The following RHOA variants were observed in gnomAD, a reference collection of about 807,000 sequenced individuals.
RHOA encodes the protein ras homolog family member A.
RHOA carries 3 observed loss-of-function variants against 17.5 expected under a neutral mutation model. That is an observed-to-expected ratio of 0.17 (90% CI 0.08 to 0.44). RHOA has a LOEUF of 0.44. Ranked by LOEUF, RHOA falls within the 20% of genes least tolerant of loss-of-function variation. The pLI, the probability that RHOA is intolerant of heterozygous loss-of-function variation, is 0.99. For synonymous variants in RHOA, 98 were observed against 88.4 expected, an observed-to-expected ratio of 1.11 and a Z score of -0.61; for missense variants, 56 against 242.3, an observed-to-expected ratio of 0.23 and a Z score of 5.10.
At chr3:49,403,742 A>T (rs1226570228) in intron 1 of RHOA, among the ~76,000 whole-genome samples, 1 of 152,072 alleles carries the variant, frequency 6.6e-6, no homozygotes, top group African/African-American at 2.4e-5. Context: ...ATAAGAACAA[A>T]AAAATTATCA....
At chr3:49,361,240 A>G (rs2047966418) in intron 4 of RHOA, among the ~76,000 whole-genome samples, 3 of 152,166 alleles carry the variant, frequency 2.0e-5, no homozygotes, top group South Asian at 2.1e-4. Context: ...TAAGGAGTCA[A>G]TCAAGAGCAA....
At chr3:49,395,986 G>C (rs989464431) in intron 1 of RHOA, among the ~76,000 whole-genome samples, 2 of 152,120 alleles carry the variant, frequency 1.3e-5, no homozygotes, top group African/African-American at 4.8e-5. Context: ...GGAATGGAGA[G>C]GGGCAGTGAT....
At chr3:49,373,885 AC>A (rs1308124133) in intron 2 of RHOA, among the ~76,000 whole-genome samples, 1 of 151,970 alleles carries the variant, frequency 6.6e-6, no homozygotes. Flanking sequence ...AAAAAAAAAA[AC>A]AAAAACAAAC....
rs529185429 is a variant in RHOA, at chr3:49,381,605, G to A, written c.-2-6014C>T. 1.1e-4 allele frequency among the ~76,000 whole-genome samples: 17 copies of A among 149,890 alleles called. No homozygotes were observed. The East Asian group carries it at 3.2e-3, about 28-fold the overall frequency. On this transcript the variant is annotated intron_variant, in intron 1 of 4. Coordinates refer to ENST00000418115, the MANE Select transcript of RHOA (RefSeq NM_001664.4). ...AAAAAGGATTGGCATGGTGGCTCAC[G>A]CCTGTAATCCCAGCACTTTGGGAGG...
intron 1 of RHOA, among the ~76,000 whole-genome samples, chr3:49,399,560 AG>A (rs1365943877): frequency 1.3e-5 from 2 of 151,696 alleles, no homozygotes; most frequent in South Asian, 2.1e-4. Flanking sequence ...GACTGTCTCT[AG>A]AATAGTACAC....
intron 1 of RHOA, among the ~76,000 whole-genome samples, chr3:49,401,798 C>T (rs1474561025): frequency 6.6e-6 from 1 of 152,104 alleles, no homozygotes. Flanking sequence ...CTTACTGGTT[C>T]AGTATCCCAA....
At chr3:49,393,595 C>CTT (rs34715210) in intron 1 of RHOA, among the ~76,000 whole-genome samples, 1 of 97,958 alleles carries the variant, frequency 1.0e-5, no homozygotes, top group African/African-American at 3.9e-5. Context: ...ACTGCACTGG[C>CTT]TTTTTTTTTT....
chr3:49,389,536 CTAAT>C (rs1345936579), intron 1 of RHOA, among the ~76,000 whole-genome samples: 2 of 152,158 alleles, frequency 1.3e-5, no homozygotes, highest in Non-Finnish European at 2.9e-5. Context: ...CATTAATAGA[CTAAT>C]TCCTCTGCTG....
chr3:49,389,344 T>C (rs2048457684), intron 1 of RHOA, among the ~76,000 whole-genome samples: 1 of 150,158 alleles, frequency 6.7e-6, no homozygotes, highest in Non-Finnish European at 1.5e-5. Context: ...AGTGGTTGCT[T>C]AGGGATGAGG....
At chr3:49,390,097 CTG>C (rs1424514160) in intron 1 of RHOA, among the ~76,000 whole-genome samples, 1 of 151,898 alleles carries the variant, frequency 6.6e-6, no homozygotes, top group East Asian at 1.9e-4. Context: ...TACCCACAGA[CTG>C]TGAGAAGCAA....
chr3:49,407,484 C>T (rs62261210), intron 1 of RHOA, among the ~76,000 whole-genome samples: 1 of 542 alleles, frequency 1.8e-3, no homozygotes, highest in East Asian at 0.17. Flanking sequence ...TCCACCTGCC[C>T]AGCACTTCCA....
rs912751195 is a variant in RHOA at position 49,359,707 on chromosome 3, ACT to A, written c.*500_*501del. On this transcript the variant is annotated 3_prime_UTR_variant, in exon 5 of 5. Coordinates refer to ENST00000418115, the MANE Select transcript of RHOA (RefSeq NM_001664.4). ...ACTAACATGAAACCACAGAACTGTA[ACT>A]CTGCCACAGCTGCATGAACTTGGGC... 4 of 223,514 alleles carry A rather than the reference ACT, an allele frequency of 1.8e-5. No homozygotes were observed. The highest frequency in any genetic ancestry group is 1.8e-4 in the South Asian group (1 of 5,486). 13.8% of individuals were successfully genotyped at this position (223,514 alleles called of 1,614,324 possible).
intron 1 of RHOA, among the ~76,000 whole-genome samples, chr3:49,408,886 G>A (rs551708149): frequency 2.0e-5 from 3 of 151,450 alleles, no homozygotes; most frequent in Admixed American, 1.3e-4. Flanking sequence ...TCCGCCTCTC[G>A]GGTTCACGCC....
At chr3:49,389,723 C>A (rs185430578) in intron 1 of RHOA, among the ~76,000 whole-genome samples, 3 of 152,026 alleles carry the variant, frequency 2.0e-5, no homozygotes, top group Non-Finnish European at 4.4e-5. Flanking sequence ...AGGCGGATCA[C>A]GAGGTCAGGA....
At chr3:49,362,712 C>CT in intron 3 of RHOA, 86 bp from the exon 4 acceptor site, 2 of 1,145,114 alleles carry the variant, frequency 1.7e-6, no homozygotes, top group Non-Finnish European at 2.5e-6. Flanking sequence ...TGCAGAGACA[C>CT]TTTCTTTGTG....
intron 3 of RHOA, among the ~76,000 whole-genome samples, chr3:49,368,224 A>G (rs532978278): frequency 6.6e-6 from 1 of 152,190 alleles, no homozygotes; most frequent in Admixed American, 6.6e-5. Flanking sequence ...AGGTGGATAC[A>G]TTTTAAATAC....
chr3:49,375,641 T>C (rs1232968349), intron 1 of RHOA, 50 bp from the exon 2 acceptor site: 2 of 1,580,618 alleles, frequency 1.3e-6, no homozygotes, highest in Admixed American at 1.7e-5. Flanking sequence ...AAGTCATAGG[T>C]AGCTTACAGG....
intron 1 of RHOA, among the ~76,000 whole-genome samples, chr3:49,391,824 T>TA (rs1491311215): frequency 3.1e-5 from 1 of 32,550 alleles, no homozygotes; most frequent in Non-Finnish European, 8.3e-5. Context: ...TTAATTTATC[T>TA]TTTTTTTTTT....
chr3:49,381,588 T>C (rs984054627), intron 1 of RHOA, among the ~76,000 whole-genome samples: 4 of 146,864 alleles, frequency 2.7e-5, no homozygotes, highest in Non-Finnish European at 3.0e-5. Flanking sequence ...AAAAAAAGGA[T>C]TGGCATGGTG....
Sources: allele counts gnomAD v4.1 joint callset (sites outside exome capture counted in the v4.1 genomes callset), GRCh38; gene constraint gnomAD v4.1.1; transcripts MANE v1.5; gene names NCBI Gene and HGNC (gene_info 2026-07-23, HGNC 2026-07-21).